The following PI4KB variants were observed in gnomAD, a reference collection of about 807,000 sequenced individuals.
PI4KB encodes phosphatidylinositol 4-kinase beta.
PI4KB carries 23 observed loss-of-function variants against 81.4 expected under a neutral mutation model. That is an observed-to-expected ratio of 0.28 (90% CI 0.20 to 0.40). The LOEUF (loss-of-function observed/expected upper bound fraction) is 0.40, where lower values mean the gene tolerates loss of function less well. PI4KB is among the 10% of genes least tolerant of loss of function. The pLI is 1.00. For missense variants in PI4KB, 651 were observed against 1,036.6 expected (o/e 0.63, Z 5.11); for synonymous variants, 381 against 406.8 (o/e 0.94, Z 0.76).
intron 8 of PI4KB, among the ~76,000 whole-genome samples, chr1:151,301,247 G>C (rs1695251377): frequency 6.6e-6 from 1 of 152,016 alleles, no homozygotes; most frequent in Admixed American, 6.6e-5. Flanking sequence ...ACAGAGTCTT[G>C]CTCTGTCGCC....
intron 1 of PI4KB, among the ~76,000 whole-genome samples, chr1:151,320,554 A>C (rs1253955690): frequency 6.6e-6 from 1 of 152,086 alleles, no homozygotes; most frequent in African/African-American, 2.4e-5. Context: ...GAAGGTGGCA[A>C]CTCTTTCACT....
intron 2 of PI4KB, among the ~76,000 whole-genome samples, chr1:151,314,904 C>G (rs1571202465): frequency 6.6e-6 from 1 of 152,142 alleles, no homozygotes; most frequent in Non-Finnish European, 1.5e-5. Context: ...TATCTCAAGT[C>G]TCAGGTCAGG....
chr1:151,321,327 G>A (rs980613615), intron 1 of PI4KB, among the ~76,000 whole-genome samples: 6 of 152,140 alleles, frequency 3.9e-5, no homozygotes, highest in Non-Finnish European at 7.4e-5. Context: ...AGAAGAAGGT[G>A]TTGTAGGGAA....
chr1:151,304,990 C>T (rs1237607141), intron 5 of PI4KB, among the ~76,000 whole-genome samples: 8 of 151,940 alleles, frequency 5.3e-5, no homozygotes, highest in Admixed American at 1.3e-4. Flanking sequence ...CCACCACGCC[C>T]GGCTAATTTT....
At chr1:151,320,076 C>T (rs1344044978) in intron 1 of PI4KB, among the ~76,000 whole-genome samples, 1 of 152,150 alleles carries the variant, frequency 6.6e-6, no homozygotes, top group Non-Finnish European at 1.5e-5. Flanking sequence ...CTCTGTCGCC[C>T]AGGCTGGAGT....
At chr1:151,323,315 G>A (rs1030219915) in intron 1 of PI4KB, among the ~76,000 whole-genome samples, 2 of 152,146 alleles carry the variant, frequency 1.3e-5, no homozygotes, top group African/African-American at 4.8e-5. Flanking sequence ...GACCAGCCTG[G>A]CCAACATGGT....
rs138180526 is a variant in PI4KB, at chr1:151,292,948, C to T, written c.2355G>A (p.Leu785=). ...CCACCATCTGCTCCACCAGCAGCTG[C>T]AGCTGCTCCTCAGTCATGCTCATGT... The part of the protein sequence containing the change: ...RFHMSMTEEQ[L]QLLVEQMVDG... The change falls in exon 12 of 12, where the codon CTG becomes CTA. Residue 785 remains leucine (L), a synonymous_variant. Transcript: ENST00000368873. The T allele has an allele frequency of 3.3e-5, 53 of 1,614,192 alleles. No individual in the cohort carries two copies. Among genetic ancestry groups the T allele is most frequent in the Middle Eastern group, 3.3e-4 (2 of 6,062 alleles).
intron 2 of PI4KB, among the ~76,000 whole-genome samples, chr1:151,314,026 T>C (rs976617807): frequency 2.0e-5 from 3 of 152,268 alleles, no homozygotes; most frequent in Non-Finnish European, 4.4e-5. Flanking sequence ...CTTGGCAAGA[T>C]GCCTGGCACA....
At position 151,296,474 on chromosome 1, in the gene PI4KB, C is replaced by CT. The variant is rs112982041; in HGVS notation, c.2016-1934dup. ...GCAGAACTTAATAGATGCTAGATTT[C>CT]TTTTTTTTTTTTTTGAGATGAAGTC... is the stretch of plus-strand genomic sequence containing the variant. On this transcript the variant is annotated intron_variant, in intron 9 of 11. Transcript: ENST00000368873. Among the ~76,000 whole-genome samples, 1,065 of 143,278 alleles carry CT rather than the reference C, an allele frequency of 7.4e-3. 17 individuals are homozygous for CT. The highest frequency in any genetic ancestry group is 0.036 in the South Asian group (160 of 4,506). The allele number at this position is 143,278 out of a possible 152,430, so 94.0% of individuals were successfully genotyped here.
intron 8 of PI4KB, among the ~76,000 whole-genome samples, chr1:151,300,122 T>C (rs1215953818): frequency 1.3e-5 from 2 of 152,236 alleles, no homozygotes; most frequent in Non-Finnish European, 2.9e-5. Flanking sequence ...ACTTCAGTAG[T>C]GCATTAGTAA....
intron 8 of PI4KB, among the ~76,000 whole-genome samples, chr1:151,299,882 T>C (rs1695117099): frequency 6.6e-6 from 1 of 152,166 alleles, no homozygotes; most frequent in Non-Finnish European, 1.5e-5. Flanking sequence ...GAAGTTTTTA[T>C]GTTGTTTTTT....
At chr1:151,315,491 A>G in intron 2 of PI4KB, 82 bp downstream of exon 2, 1 of 893,460 alleles carries the variant, frequency 1.1e-6, no homozygotes, top group Non-Finnish European at 1.9e-6. Context: ...AGAACAGCGT[A>G]ACCCTGTGTG....
At chr1:151,310,479 G>A (rs1179020480) in intron 2 of PI4KB, among the ~76,000 whole-genome samples, 4 of 152,194 alleles carry the variant, frequency 2.6e-5, no homozygotes, top group Non-Finnish European at 5.9e-5. Flanking sequence ...AAGGTCAGAA[G>A]GACTGAAGAG....
intron 3 of PI4KB, 30 bp from the exon 4 acceptor site, chr1:151,307,831 G>A (rs776913227): frequency 5.9e-6 from 9 of 1,526,038 alleles, no homozygotes; most frequent in Non-Finnish European, 8.2e-6. Context: ...GACAAAAGAT[G>A]GTGAAGAAAC....
At position 151,294,012 on chromosome 1, in the gene PI4KB, C is replaced by T; in HGVS notation, c.2269+6G>A. ...ACTATAGCACCTGACCTCACCCCAG[C>T]CCCACCTTGCTGCATGATCTCCACG... On this transcript the variant is annotated splice_donor_region_variant and intron_variant, in intron 11 of 11. Coordinates refer to ENST00000368873, the MANE Select transcript of PI4KB (RefSeq NM_001369623.2). 10 of 1,614,020 alleles carry T rather than the reference C, an allele frequency of 6.2e-6. No homozygotes were observed. The highest frequency in any genetic ancestry group is 8.5e-6 in the Non-Finnish European group (10 of 1,179,926).
intron 1 of PI4KB, among the ~76,000 whole-genome samples, chr1:151,325,708 G>A (rs1649508712): frequency 6.6e-6 from 1 of 152,160 alleles, no homozygotes; most frequent in South Asian, 2.1e-4. Flanking sequence ...AGAAACATCT[G>A]ACAGAAAGAC....
chr1:151,305,168 G>C (rs1009189722), intron 5 of PI4KB, among the ~76,000 whole-genome samples: 1 of 152,160 alleles, frequency 6.6e-6, no homozygotes, highest in African/African-American at 2.4e-5. Flanking sequence ...GTTTCACCTT[G>C]TTGGCCAGGC....
rs183739544 is a variant in PI4KB at position 151,324,379 on chromosome 1, T to A, written c.-29+2892A>T. Reference sequence around the variant, plus strand: ...CTTAATGTCTAACTCAAACCTTTCTTTAAGGATGTCTCAACTCATCTCTCC... The same window carrying A: ...CTTAATGTCTAACTCAAACCTTTCTATAAGGATGTCTCAACTCATCTCTCC... On this transcript the variant is annotated intron_variant, in intron 1 of 11. Transcript: ENST00000368873. 2.9e-3 allele frequency among the ~76,000 whole-genome samples: 443 copies of A among 152,306 alleles called. 4 individuals are homozygous for A. The highest frequency in any genetic ancestry group is 0.01 in the African/African-American group (421 of 41,556).
At chr1:151,294,881 G>A (rs1296049743) in intron 9 of PI4KB, among the ~76,000 whole-genome samples, 2 of 152,140 alleles carry the variant, frequency 1.3e-5, no homozygotes, top group Non-Finnish European at 2.9e-5. Context: ...AGGAAAGAGG[G>A]CCTCTGAGGC....
Sources: gnomAD v4.1 joint callset for allele counts (sites outside exome capture counted in the v4.1 genomes callset) on GRCh38, gnomAD v4.1.1 for gene constraint, MANE v1.5 for transcripts, NCBI Gene and HGNC (gene_info 2026-07-23, HGNC 2026-07-21) for gene names.